NELL1: variants seen among roughly 807,000 people sequenced by gnomAD.
The protein encoded by NELL1 is protein kinase C-binding protein NELL1.
Under a neutral mutation model 107.4 loss-of-function variants are expected in NELL1, and 76 were observed. That is an observed-to-expected ratio of 0.71 (90% CI 0.59 to 0.86). The LOEUF (loss-of-function observed/expected upper bound fraction) is 0.86. NELL1 is among the 40% of genes least tolerant of loss of function. NELL1 has a pLI of 0.00. For synonymous variants in NELL1, 353 were observed against 341.2 expected, an observed-to-expected ratio of 1.03 and a Z score of -0.38; for missense variants, 1,024 against 1,005.5, an observed-to-expected ratio of 1.02 and a Z score of -0.25.
intron 13 of NELL1, among the ~76,000 whole-genome samples, chr11:21,121,813 A>G (rs972889571): frequency 7.9e-5 from 12 of 152,190 alleles, no homozygotes; most frequent in African/African-American, 2.9e-4. Context: ...GTCCCTCTAA[A>G]GAGGGATTAT....
rs867147722 is a variant in NELL1 at position 21,431,869 on chromosome 11, G to A, written c.1645+60921G>A. ...GGAGTAAAGTTAAGCATGTATGTGC[G>A]CTCTGAATTCAAACTACTTGAGTTT... is the stretch of plus-strand genomic sequence containing the variant. On this transcript the variant is annotated intron_variant, in intron 15 of 19. Coordinates refer to ENST00000357134, the MANE Select transcript of NELL1 (RefSeq NM_006157.5). Among the ~76,000 whole-genome samples, 19 of 152,182 alleles carry A rather than the reference G, an allele frequency of 1.2e-4. No homozygotes were observed. The East Asian group carries it at 1.5e-3, about 12-fold the overall frequency.
chr11:21,042,849 GGCAGTAGCTGTAT>G (rs1454242005), intron 12 of NELL1, among the ~76,000 whole-genome samples: 28 of 152,088 alleles, frequency 1.8e-4, no homozygotes, highest in Non-Finnish European at 3.8e-4. Flanking sequence ...TTATTACCAT[GGCAGTAGCTGTAT>G]GATACAGAAT....
At chr11:21,115,101 G>C (rs1389756144) in intron 13 of NELL1, among the ~76,000 whole-genome samples, 1 of 152,028 alleles carries the variant, frequency 6.6e-6, no homozygotes, top group Non-Finnish European at 1.5e-5. Context: ...AGGAAGGCAA[G>C]AGCTGGCACT....
intron 12 of NELL1, among the ~76,000 whole-genome samples, chr11:20,979,452 A>G (rs1359945559): frequency 6.6e-6 from 1 of 152,198 alleles, no homozygotes; most frequent in Non-Finnish European, 1.5e-5. Context: ...TTCCATGTAA[A>G]TAGCATGTTT....
chr11:21,487,854 G>A (rs1854679088), intron 15 of NELL1, among the ~76,000 whole-genome samples: 1 of 152,034 alleles, frequency 6.6e-6, no homozygotes, highest in Admixed American at 6.6e-5. Context: ...CACTCAAACA[G>A]AAGCTAACAA....
In NELL1 at chr11:21,397,145, C is replaced by G. The variant is rs1205683710; in HGVS notation, c.1645+26197C>G. Among the ~76,000 whole-genome samples, 7 of 151,542 alleles carry G rather than the reference C, an allele frequency of 4.6e-5. No individual in the cohort carries two copies. In the South Asian group the frequency reaches 1.2e-3, roughly 27 times the overall value. ...ACAAAAAGTTCTCTTCTTTCCAGGG[C>G]TGTAGCATTTTATAAGACACACGAG... is the stretch of plus-strand genomic sequence containing the variant. On this transcript the variant is annotated intron_variant, in intron 15 of 19. Coordinates refer to ENST00000357134, the MANE Select transcript of NELL1 (RefSeq NM_006157.5).
At chr11:21,513,700 C>T (rs976280004) in intron 15 of NELL1, among the ~76,000 whole-genome samples, 2 of 152,152 alleles carry the variant, frequency 1.3e-5, no homozygotes, top group East Asian at 3.9e-4. Context: ...AATCTGAAAC[C>T]AATAATCAAC....
chr11:21,176,208 T>A (rs1038353800), intron 13 of NELL1, among the ~76,000 whole-genome samples: 5 of 151,828 alleles, frequency 3.3e-5, no homozygotes, highest in African/African-American at 1.2e-4. Context: ...TCATGAATGT[T>A]TCTGTCGCCA....
intron 13 of NELL1, among the ~76,000 whole-genome samples, chr11:21,133,478 G>T (rs990906164): frequency 6.6e-6 from 1 of 152,116 alleles, no homozygotes; most frequent in Admixed American, 6.5e-5. Flanking sequence ...CACCCAGGCT[G>T]TTCCTGCTGA....
At chr11:21,022,674 C>T (rs1852728237) in intron 12 of NELL1, among the ~76,000 whole-genome samples, 1 of 152,048 alleles carries the variant, frequency 6.6e-6, no homozygotes, top group African/African-American at 2.4e-5. Context: ...GAGAGTTGGA[C>T]AATCCTAGTT....
intron 12 of NELL1, among the ~76,000 whole-genome samples, chr11:21,020,973 G>C (rs1207297675): frequency 6.7e-6 from 1 of 150,274 alleles, no homozygotes; most frequent in Non-Finnish European, 1.5e-5. Context: ...ATCCTTCCTG[G>C]TAAGGAGGGG....
intron 12 of NELL1, among the ~76,000 whole-genome samples, chr11:21,006,241 A>T (rs1852325248): frequency 6.6e-6 from 1 of 152,032 alleles, no homozygotes; most frequent in Admixed American, 6.6e-5. Context: ...TATTAGAATT[A>T]GGATGGGGGA....
chr11:21,465,946 G>A (rs958611385), intron 15 of NELL1, among the ~76,000 whole-genome samples: 3 of 152,004 alleles, frequency 2.0e-5, no homozygotes, highest in Non-Finnish European at 2.9e-5. Context: ...TTGCCTTGAA[G>A]CTATACACAC....
intron 15 of NELL1, among the ~76,000 whole-genome samples, chr11:21,494,393 C>A (rs1166255496): frequency 6.6e-6 from 1 of 151,952 alleles, no homozygotes; most frequent in Non-Finnish European, 1.5e-5. Context: ...TAGTGCTACT[C>A]CCTTATTTCA....
chr11:21,331,392 T>G (rs529625224), intron 14 of NELL1, among the ~76,000 whole-genome samples: 2 of 152,196 alleles, frequency 1.3e-5, no homozygotes, highest in Non-Finnish European at 1.5e-5. Context: ...GCTTATTTGT[T>G]TAGTGACTTG....
At chr11:20,686,433 T>C (rs1854306382) in intron 2 of NELL1, among the ~76,000 whole-genome samples, 1 of 152,138 alleles carries the variant, frequency 6.6e-6, no homozygotes, top group Non-Finnish European at 1.5e-5. Context: ...TTAGACAAAT[T>C]AAATTTAACA....
chr11:20,859,895 C>T (rs1188310860), intron 4 of NELL1, among the ~76,000 whole-genome samples: 1 of 152,210 alleles, frequency 6.6e-6, no homozygotes, highest in Non-Finnish European at 1.5e-5. Context: ...CTTAACACTG[C>T]AAACCTGGTC....
At chr11:21,365,224 G>A (rs1851192559) in intron 14 of NELL1, among the ~76,000 whole-genome samples, 1 of 152,084 alleles carries the variant, frequency 6.6e-6, no homozygotes, top group African/African-American at 2.4e-5. Context: ...CTTGGGGATG[G>A]GGACAATTTT....
At chr11:21,280,999 C>T (rs1590800665) in intron 14 of NELL1, among the ~76,000 whole-genome samples, 2 of 151,710 alleles carry the variant, frequency 1.3e-5, no homozygotes, top group African/African-American at 2.4e-5. Flanking sequence ...GTGCTTGCAC[C>T]GTCCCTCCTC....
Sources: allele counts gnomAD v4.1 joint callset (sites outside exome capture counted in the v4.1 genomes callset), GRCh38; gene constraint gnomAD v4.1.1; transcripts MANE v1.5; gene names NCBI Gene and HGNC (gene_info 2026-07-23, HGNC 2026-07-21).